Variants in TRAK1 observed in about 807,000 individuals in gnomAD.
TRAK1 encodes trafficking kinesin-binding protein 1.
Under a neutral mutation model 92.1 loss-of-function variants are expected in TRAK1, and 33 were observed. The ratio of observed to expected loss-of-function variants is 0.36; its 90% CI spans 0.27 to 0.48. TRAK1 has a LOEUF of 0.48. Ranked by LOEUF, TRAK1 falls within the 20% of genes least tolerant of loss-of-function variation. TRAK1 has a pLI of 0.99. For synonymous variants in TRAK1, 521 were observed against 517.3 expected, an observed-to-expected ratio of 1.01 and a Z score of -0.10; for missense variants, 1,123 against 1,257.9, an observed-to-expected ratio of 0.89 and a Z score of 1.62.
chr3:42,200,887 T>A lies in TRAK1; in HGVS notation c.1260T>A (p.Pro420=). ...NQVVKQRSLT[P]SPMNIPGSNQ... Reference sequence around the variant, plus strand: ...TTGTCAAGCAGAGATCTCTGACCCCTTCTCCCATGAACATCCCCGGCTCCA... The same window carrying A: ...TTGTCAAGCAGAGATCTCTGACCCCATCTCCCATGAACATCCCCGGCTCCA... The change falls in exon 12 of 16, where the codon CCT becomes CCA. Residue 420 remains proline, a synonymous_variant. Transcript: ENST00000327628. The A allele has an allele frequency of 6.2e-7, 1 of 1,614,150 alleles. No homozygotes were observed. Among genetic ancestry groups the A allele is most frequent in the Non-Finnish European group, 8.5e-7 (1 of 1,180,020 alleles).
intron 11 of TRAK1, among the ~76,000 whole-genome samples, chr3:42,200,085 A>G (rs1226349499): frequency 6.6e-6 from 1 of 152,184 alleles, no homozygotes; most frequent in African/African-American, 2.4e-5. Context: ...GAACATGTGG[A>G]CCAGGTTTCA....
chr3:42,119,820 CA>C (rs1709617801), intron 1 of TRAK1, among the ~76,000 whole-genome samples: 1 of 152,132 alleles, frequency 6.6e-6, no homozygotes, highest in Non-Finnish European at 1.5e-5. Context: ...GTTGCATGAC[CA>C]AAAGGAAGAA....
chr3:42,213,716 G>T (rs982029046), intron 14 of TRAK1, among the ~76,000 whole-genome samples: 1 of 152,196 alleles, frequency 6.6e-6, no homozygotes, highest in Non-Finnish European at 1.5e-5. Flanking sequence ...GTGAGAAGTT[G>T]GTTTGGGGGC....
intron 1 of TRAK1, among the ~76,000 whole-genome samples, chr3:42,092,740 T>TATGTC (rs1705284309): frequency 6.8e-6 from 1 of 147,194 alleles, no homozygotes; most frequent in Non-Finnish European, 1.5e-5. Context: ...TATGTTATGT[T>TATGTC]ATGTTATGTT....
chr3:42,203,834 A>G (rs1708007750), intron 13 of TRAK1: 1 of 850,612 alleles, frequency 1.2e-6, no homozygotes, highest in South Asian at 5.4e-5. Context: ...TAAACAATAC[A>G]TAAGCAATAC....
intron 1 of TRAK1, among the ~76,000 whole-genome samples, chr3:42,050,722 A>G (rs546775501): frequency 4.6e-5 from 7 of 152,104 alleles, no homozygotes; most frequent in Non-Finnish European, 7.4e-5. Context: ...CAGTAGTGCT[A>G]TCTCAGCTCA....
At chr3:42,210,782 G>T in intron 14 of TRAK1, 1 of 985,176 alleles carries the variant, frequency 1.0e-6, no homozygotes, top group Non-Finnish European at 1.2e-6. Flanking sequence ...TTCGGAGAAC[G>T]TCACTAAGCT....
At chr3:42,148,543 C>G (rs966782066) in intron 2 of TRAK1, among the ~76,000 whole-genome samples, 11 of 152,202 alleles carry the variant, frequency 7.2e-5, no homozygotes, top group African/African-American at 2.4e-4. Flanking sequence ...TTTCCTCACT[C>G]CTTCCCCAGA....
chr3:42,075,713 G>T (rs1360439732), intron 1 of TRAK1, among the ~76,000 whole-genome samples: 1 of 151,726 alleles, frequency 6.6e-6, no homozygotes. Context: ...TTTTATTGTG[G>T]TTTTGCTTTG....
chr3:42,203,849 G>A, intron 13 of TRAK1: 1 of 869,250 alleles, frequency 1.2e-6, no homozygotes, highest in African/African-American at 1.8e-5. Context: ...CAATACATCT[G>A]TGGTATTAAA....
At chr3:42,060,544 T>G (rs1266000328) in intron 1 of TRAK1, among the ~76,000 whole-genome samples, 1 of 151,956 alleles carries the variant, frequency 6.6e-6, no homozygotes, top group East Asian at 1.9e-4. Flanking sequence ...GTTTATAGTC[T>G]CAGTCTGTCA....
In TRAK1 at chr3:42,223,445, A is replaced by C; in HGVS notation, c.2570A>C (p.Asn857Thr). 1 of 1,613,988 alleles carries C rather than the reference A, an allele frequency of 6.2e-7. No homozygotes were observed. The highest frequency in any genetic ancestry group is 8.5e-7 in the Non-Finnish European group (1 of 1,179,984). The change falls in exon 16 of 16, where the codon AAC becomes ACC. Residue 857 changes from asparagine (N) to threonine (T), a missense_variant. Asn to Thr is a moderately conservative substitution (Grantham distance 65). Coordinates refer to ENST00000327628, the MANE Select transcript of TRAK1 (RefSeq NM_001042646.3). The surrounding 1 kb of genome is among the most constrained non-coding windows in gnomAD (Gnocchi z 6.1). ...AGGTTTGGGGTGGCCAAAGTGGTGA[A>C]CTCAGGGCGAGCCCATGTCCCCACC... The part of the protein sequence containing the change: ...VRRFGVAKVV[N>T]SGRAHVPTLT...
At chr3:42,201,870 G>GGACA (rs1491540894) in intron 12 of TRAK1, among the ~76,000 whole-genome samples, 1,614 of 126,700 alleles carry the variant, frequency 0.013, 13 homozygotes, top group Middle Eastern at 0.025. Flanking sequence ...ACGGACGGAC[G>GGACA]GACGGACAGA....
upstream of TRAK1, among the ~76,000 whole-genome samples, chr3:42,089,675 A>ACCCCC (rs3073728): frequency 8.7e-4 from 115 of 132,914 alleles, 3 homozygotes; most frequent in Non-Finnish European, 1.1e-3. Context: ...GCTTTTTGTG[A>ACCCCC]CCCCCCCCCA....
chr3:42,195,068 A>T, intron 10 of TRAK1, 127 bp downstream of exon 10: 1 of 1,162,042 alleles, frequency 8.6e-7, no homozygotes, highest in Admixed American at 2.7e-5. Flanking sequence ...TTCAGATCTG[A>T]GTCTGAATCA....
At chr3:42,221,534 A>G (rs999749574) in intron 15 of TRAK1, among the ~76,000 whole-genome samples, 3 of 152,134 alleles carry the variant, frequency 2.0e-5, no homozygotes, top group African/African-American at 7.2e-5. Context: ...CTGCTCCAGA[A>G]TGGGCCCTTT....
At chr3:42,071,114 G>C (rs1443592482) in intron 1 of TRAK1, among the ~76,000 whole-genome samples, 1 of 152,326 alleles carries the variant, frequency 6.6e-6, no homozygotes, top group East Asian at 1.9e-4. Flanking sequence ...TTTGCAGTAA[G>C]TGGCAGCCAA....
At chr3:42,203,892 AG>A (rs1708015631) in intron 13 of TRAK1, 1 of 957,608 alleles carries the variant, frequency 1.0e-6, no homozygotes, top group African/African-American at 1.8e-5. Flanking sequence ...TTACCTCAAA[AG>A]AACCTGTTTT....
chr3:42,205,307 C>T (rs1708199450), intron 13 of TRAK1, among the ~76,000 whole-genome samples: 1 of 151,970 alleles, frequency 6.6e-6, no homozygotes, highest in South Asian at 2.1e-4. Context: ...AGTAAGATTC[C>T]CATAATCACC....
Sources: allele counts gnomAD v4.1 joint callset (sites outside exome capture counted in the v4.1 genomes callset), GRCh38; gene constraint gnomAD v4.1.1; non-coding constraint Gnocchi (gnomAD v3.1); transcripts MANE v1.5; gene names NCBI Gene and HGNC (gene_info 2026-07-23, HGNC 2026-07-21).